LHX6: variants seen among roughly 807,000 people sequenced by gnomAD.
LHX6 encodes the protein LIM homeobox 6.
A neutral mutation model predicts 47.1 loss-of-function variants in LHX6; 15 were observed. The ratio of observed to expected loss-of-function variants is 0.32; its 90% CI spans 0.21 to 0.49. The LOEUF (loss-of-function observed/expected upper bound fraction) is 0.49. Among genes scored for constraint, LHX6 ranks in the 20% least tolerant of loss-of-function variants. LHX6 has a pLI of 0.99. For missense variants in LHX6, 404 were observed against 539.6 expected (o/e 0.75, Z 2.49); for synonymous variants, 242 against 233.5 (o/e 1.04, Z -0.33).
intron 4 of LHX6, chr9:122,221,345 TGGCCGCCGCTGG>T (rs751173198): frequency 3.0e-5 from 30 of 985,498 alleles, no homozygotes; most frequent in Non-Finnish European, 3.5e-5. Context: ...CCCCAACAGC[TGGCCGCCGCTGG>T]GCCGCTCTCT....
intron 4 of LHX6, among the ~76,000 whole-genome samples, chr9:122,223,943 C>T (rs1437520272): frequency 6.6e-6 from 1 of 152,168 alleles, no homozygotes; most frequent in East Asian, 1.9e-4. Flanking sequence ...CACCATTCTG[C>T]TGGGTTCCCA....
chr9:122,216,843 G>A (rs1830609854), intron 5 of LHX6, among the ~76,000 whole-genome samples: 1 of 152,208 alleles, frequency 6.6e-6, no homozygotes, highest in African/African-American at 2.4e-5. Context: ...CCATTTTACT[G>A]ATAAGGAAAC....
chr9:122,209,837 G>T, intron 8 of LHX6, 120 bp from the exon 9 acceptor site: 1 of 597,184 alleles, frequency 1.7e-6, no homozygotes. Flanking sequence ...CTTACCTCCT[G>T]GGTAGCCCTG....
At chr9:122,228,575 C>A (rs1831209295) in intron 1 of LHX6, 82 bp downstream of exon 1, 4 of 1,355,048 alleles carry the variant, frequency 3.0e-6, no homozygotes, top group Non-Finnish European at 3.8e-6. Flanking sequence ...TGCAACCGCC[C>A]GCCACCCTGC....
intron 9 of LHX6, among the ~76,000 whole-genome samples, chr9:122,207,368 T>C (rs1830222782): frequency 6.6e-6 from 1 of 152,196 alleles, no homozygotes; most frequent in Non-Finnish European, 1.5e-5. Context: ...CCGCGCAGAC[T>C]TCAGAGTCCG....
chr9:122,207,474 T>C (rs962871586), intron 9 of LHX6, among the ~76,000 whole-genome samples: 1 of 152,160 alleles, frequency 6.6e-6, no homozygotes, highest in Admixed American at 6.6e-5. Flanking sequence ...ACAAAGTGGC[T>C]GGGAGGTGTG....
rs967412313 is a variant in LHX6, at chr9:122,217,936, C to T, written c.462-648G>A. Among the ~76,000 whole-genome samples, 114 of 152,338 alleles carry T rather than the reference C, an allele frequency of 7.5e-4. No individual in the cohort carries two copies. Among genetic ancestry groups the T allele is most frequent in the African/African-American group, 2.7e-3 (112 of 41,588 alleles). On this transcript the variant is annotated intron_variant, in intron 4 of 9. Transcript: ENST00000394319. The surrounding 1 kb of genome is among the most constrained non-coding windows in gnomAD (Gnocchi z 4.9). ...AACTAGATGACAACAGCAATGACTA[C>T]TACTGTTTGTTTAGTGCTTTGCAGT...
chr9:122,214,122 C>A lies in LHX6; in HGVS notation c.784-53G>T. 1 of 1,523,634 alleles carries A rather than the reference C, an allele frequency of 6.6e-7. No homozygotes were observed. Among genetic ancestry groups the A allele is most frequent in the East Asian group, 2.3e-5 (1 of 43,004 alleles). The allele number at this position is 1,523,634 out of a possible 1,614,324, so 94.4% of individuals were successfully genotyped here. On this transcript the variant is annotated intron_variant, in intron 6 of 9. Transcript: ENST00000394319. The surrounding 1 kb of genome is among the most constrained non-coding windows in gnomAD (Gnocchi z 4.6). ...CTCGCACGCAGAGACTCCGAGACCC[C>A]GGCCCAATCAGCGGCGCCAGTCCAC...
At chr9:122,210,588 G>T (rs1830362614) in intron 8 of LHX6, among the ~76,000 whole-genome samples, 1 of 152,094 alleles carries the variant, frequency 6.6e-6, no homozygotes, top group Non-Finnish European at 1.5e-5. Flanking sequence ...TTGAGACAGG[G>T]TCTCACTCTG....
intron 9 of LHX6, 60 bp from the exon 10 acceptor site, chr9:122,204,840 C>G (rs60359238): frequency 0.13 from 166,934 of 1,236,792 alleles, 12,933 homozygotes; most frequent in East Asian, 0.32. Context: ...CTGCTGCCCC[C>G]CAGAGAACCT....
chr9:122,215,734 C>T (rs560285323), intron 5 of LHX6, among the ~76,000 whole-genome samples: 16 of 152,180 alleles, frequency 1.1e-4, no homozygotes, highest in Admixed American at 1.0e-3. Context: ...CCCCCTTAGA[C>T]CCACTTAGTC....
intron 4 of LHX6, chr9:122,221,196 G>A: frequency 3.0e-6 from 3 of 985,214 alleles, no homozygotes; most frequent in Non-Finnish European, 3.6e-6. Context: ...TCCCTTCTAG[G>A]TAAACCCGTA....
intron 4 of LHX6, among the ~76,000 whole-genome samples, chr9:122,218,659 C>T (rs1222720236): frequency 6.6e-6 from 1 of 152,078 alleles, no homozygotes; most frequent in Non-Finnish European, 1.5e-5. Context: ...TATGGTGGCT[C>T]CACTCTACCC....
chr9:122,209,866 T>G (rs556360161), intron 8 of LHX6, 149 bp from the exon 9 acceptor site: 1 of 581,958 alleles, frequency 1.7e-6, no homozygotes, highest in East Asian at 2.9e-5. Flanking sequence ...TTCAGTAGGG[T>G]TGGTTGTGAT....
intron 9 of LHX6, among the ~76,000 whole-genome samples, chr9:122,207,046 G>A (rs1194727316): frequency 6.6e-6 from 1 of 152,178 alleles, no homozygotes; most frequent in Non-Finnish European, 1.5e-5. Flanking sequence ...CACACCCTGT[G>A]CTAAGCCACA....
At chr9:122,211,956 G>A (rs142706961) in intron 8 of LHX6, among the ~76,000 whole-genome samples, 23 of 152,236 alleles carry the variant, frequency 1.5e-4, no homozygotes, top group South Asian at 1.5e-3. Flanking sequence ...GGAAAATGTC[G>A]CTCCTATTGA....
chr9:122,226,236 G>A lies in LHX6; in HGVS notation c.461+140C>T. 1 of 1,156,978 alleles carries A rather than the reference G, an allele frequency of 8.6e-7. No individual in the cohort carries two copies. Among genetic ancestry groups the A allele is most frequent in the Non-Finnish European group, 1.2e-6 (1 of 844,188 alleles). The allele number at this position is 1,156,978 out of a possible 1,614,324, so 71.7% of individuals were successfully genotyped here. A position where few individuals can be genotyped will look rare whatever the true frequency, so the allele number is the denominator to read the frequency against. ...GGGTTCGCGCCGCTGAGCGCCGGCA[G>A]GTTGGACCAGCGCTGCGCGCCGGAA... is the stretch of plus-strand genomic sequence containing the variant. On this transcript the variant is annotated intron_variant, in intron 4 of 9. Transcript: ENST00000394319. This position sits in a 1 kb window ranked among gnomAD's most constrained non-coding sequence, Gnocchi z 6.5.
chr9:122,214,002 A>C lies in LHX6; in HGVS notation c.851T>G (p.Met284Arg), dbSNP rs776502085. The C allele has an allele frequency of 3.2e-6, 5 of 1,553,178 alleles. No homozygotes were observed. Among genetic ancestry groups the C allele is most frequent in the Admixed American group, 3.5e-5 (2 of 57,250 alleles). The stretch of plus-strand genomic sequence containing the variant: ...GATGACTCTCCGGCTGAGGCCCGTC[A>C]TGTCCGCCAGCTTCTGCAGCGTCTG... ...DAQTLQKLAD[M>R]TGLSRRVIQV... The change falls in exon 7 of 10, where the codon ATG becomes AGG. Residue 284 changes from methionine to arginine, a missense_variant. Met to Arg is a moderately conservative substitution (Grantham distance 91). Coordinates refer to ENST00000394319, the MANE Select transcript of LHX6 (RefSeq NM_014368.5). The surrounding 1 kb of genome is among the most constrained non-coding windows in gnomAD (Gnocchi z 4.6).
In LHX6 at chr9:122,214,445, G is replaced by A. The variant is rs1830521661; in HGVS notation, c.683-62C>T. ...TCTCTTCTAGTGGCAGCCTGGAAAG[G>A]ACGGGGGTGGGGGGAGCTTGTCCCT... On this transcript the variant is annotated intron_variant, in intron 5 of 9. Transcript: ENST00000394319. The surrounding 1 kb of genome is among the most constrained non-coding windows in gnomAD (Gnocchi z 4.6). The A allele has an allele frequency of 1.4e-5, 21 of 1,455,614 alleles. No homozygotes were observed. The highest frequency in any genetic ancestry group is 1.8e-5 in the Non-Finnish European group (20 of 1,108,458). The allele number at this position is 1,455,614 out of a possible 1,614,324, so 90.2% of individuals were successfully genotyped here. A position where few individuals can be genotyped will look rare whatever the true frequency, so the allele number is the denominator to read the frequency against.
Sources: gnomAD v4.1 joint callset for allele counts (sites outside exome capture counted in the v4.1 genomes callset) on GRCh38, gnomAD v4.1.1 for gene constraint, Gnocchi (gnomAD v3.1) non-coding constraint, MANE v1.5 for transcripts, NCBI Gene and HGNC (gene_info 2026-07-23, HGNC 2026-07-21) for gene names.